CYP4V2: variants seen among roughly 807,000 people sequenced by gnomAD.
CYP4V2 encodes cytochrome P450 family 4 subfamily V member 2.
Under a neutral mutation model 60.8 loss-of-function variants are expected in CYP4V2, and 55 were observed. That is an observed-to-expected ratio of 0.90 (90% CI 0.73 to 1.13). The LOEUF (loss-of-function observed/expected upper bound fraction) is 1.13. CYP4V2 is among the 50% of genes most tolerant of loss of function. The probability of loss-of-function intolerance (pLI) is 0.00; values close to 1 mark genes in which losing one functional copy is unlikely to be tolerated. For missense variants in CYP4V2, 675 were observed against 662.9 expected, an observed-to-expected ratio of 1.02 and a Z score of -0.20; for synonymous variants, 239 against 236.8, an observed-to-expected ratio of 1.01 and a Z score of -0.08.
chr4:186,192,217 C>A, intron 1 of CYP4V2, 180 bp downstream of exon 1: 1 of 789,302 alleles, frequency 1.3e-6, no homozygotes, highest in South Asian at 1.5e-5. Context: ...ACTGCTAGTG[C>A]CCCATCCCAA....
chr4:186,208,764 T>A, intron 8 of CYP4V2, 101 bp from the exon 9 acceptor site: 2 of 1,517,336 alleles, frequency 1.3e-6, no homozygotes, highest in Middle Eastern at 3.5e-4. Context: ...ATTTGATGGG[T>A]ATTTAGCATG....
chr4:186,201,708 C>CT, intron 7 of CYP4V2: 1 of 258,774 alleles, frequency 3.9e-6, no homozygotes. Flanking sequence ...CACCTGCTTT[C>CT]TGAGGTTCCA....
At position 186,211,870 on chromosome 4, in the gene CYP4V2, T is replaced by G. The variant is rs1281409394; in HGVS notation, c.*1229T>G. 3 of 152,188 alleles carry G rather than the reference T, an allele frequency of 2.0e-5. No individual in the cohort carries two copies. Among genetic ancestry groups the G allele is most frequent in the Non-Finnish European group, 4.4e-5 (3 of 68,030 alleles). 9.4% of individuals were successfully genotyped at this position (152,188 alleles called of 1,614,324 possible). ...GATTAGTAGGTTCTGTTACAGTTTT[T>G]CTTTTGATCGTGCACTTATAGTCTT... On this transcript the variant is annotated 3_prime_UTR_variant, in exon 11 of 11. Transcript: ENST00000378802.
chr4:186,196,864 G>A (rs1014276097), intron 3 of CYP4V2, 76 bp from the exon 4 acceptor site: 14 of 1,467,320 alleles, frequency 9.5e-6, no homozygotes, highest in Middle Eastern at 4.9e-4. Context: ...TGCTTTAATC[G>A]TTTTGGATGT....
In CYP4V2 at chr4:186,208,902, G is replaced by T; in HGVS notation, c.1128G>T (p.Lys376Asn). Reference sequence around the variant, plus strand: ...GTCCCGCTACAGTAGAAGACCTGAAGAAACTTCGGTATCTGGAATGTGTTA... The same window carrying T: ...GTCCCGCTACAGTAGAAGACCTGAATAAACTTCGGTATCTGGAATGTGTTA... The part of the protein sequence containing the change: ...SDRPATVEDL[K>N]KLRYLECVIK... Residue 376 changes from lysine (K) to asparagine (N), a missense_variant, in exon 9 of 11, where the codon AAG becomes AAT. Lys to Asn is a moderately conservative substitution (Grantham distance 94). Transcript: ENST00000378802. The T allele has an allele frequency of 6.2e-7, 1 of 1,614,204 alleles. No homozygotes were observed. Among genetic ancestry groups the T allele is most frequent in the Non-Finnish European group, 8.5e-7 (1 of 1,180,034 alleles).
At chr4:186,206,340 G>A (rs1377286847) in intron 8 of CYP4V2, among the ~76,000 whole-genome samples, 1 of 152,136 alleles carries the variant, frequency 6.6e-6, no homozygotes, top group African/African-American at 2.4e-5. Flanking sequence ...AATCAAATCT[G>A]CCAAGAGTTC....
intron 1 of CYP4V2, among the ~76,000 whole-genome samples, chr4:186,194,031 A>G (rs1294732121): frequency 1.3e-5 from 2 of 152,194 alleles, no homozygotes; most frequent in Non-Finnish European, 2.9e-5. Flanking sequence ...GTATATTTGC[A>G]TGACGCAGGA....
intron 6 of CYP4V2, 130 bp downstream of exon 6, chr4:186,199,213 A>G: frequency 2.0e-6 from 2 of 996,590 alleles, no homozygotes; most frequent in Non-Finnish European, 3.0e-6. Flanking sequence ...CCCACCGTTC[A>G]TTTCCAGAAC....
intron 5 of CYP4V2, among the ~76,000 whole-genome samples, chr4:186,197,969 A>G (rs1417319677): frequency 6.6e-6 from 1 of 152,232 alleles, no homozygotes; most frequent in African/African-American, 2.4e-5. Flanking sequence ...GAATGTTAGC[A>G]GTGTTTCTCA....
intron 1 of CYP4V2, 140 bp from the exon 2 acceptor site, chr4:186,194,360 A>G (rs1168767334): frequency 1.3e-5 from 10 of 741,586 alleles, no homozygotes; most frequent in Non-Finnish European, 2.3e-5. Context: ...CAGTTCACAC[A>G]TGCTCTCTAC....
In CYP4V2 at chr4:186,211,691, A is replaced by T. The variant is rs75526967; in HGVS notation, c.*1050A>T. On this transcript the variant is annotated 3_prime_UTR_variant, in exon 11 of 11. Transcript: ENST00000378802. ...CACACACACACACACACACACACACACACACATACACACATATAATTTGAA... is the reference window on the plus strand; with the variant it reads ...CACACACACACACACACACACACACTCACACATACACACATATAATTTGAA... The T allele has an allele frequency of 1.8e-5, 2 of 108,624 alleles. 1 individual carries two copies. The highest frequency in any genetic ancestry group is 6.5e-5 in the African/African-American group (2 of 30,730). The allele number at this position is 108,624 out of a possible 1,614,324, so 6.7% of individuals were successfully genotyped here. A position where few individuals can be genotyped will look rare whatever the true frequency, so the allele number is the denominator to read the frequency against.
Position 186,191,769 on chromosome 4 carries a change from G to C in CYP4V2, c.-55G>C. On this transcript the variant is annotated 5_prime_UTR_variant, in exon 1 of 11. Coordinates refer to ENST00000378802, the MANE Select transcript of CYP4V2 (RefSeq NM_207352.4). ...TGCGGCCGGCACCGCCTCGCACCAC[G>C]CCCCCGCGGGCCCGCACTTTCCCGG... is the stretch of plus-strand genomic sequence containing the variant. The C allele has an allele frequency of 1.4e-5, 20 of 1,394,420 alleles. No homozygotes were observed. Among genetic ancestry groups the C allele is most frequent in the Non-Finnish European group, 1.9e-5 (20 of 1,078,566 alleles). 86.4% of individuals were successfully genotyped at this position (1,394,420 alleles called of 1,614,324 possible).
chr4:186,205,326 T>A (rs1307381499), intron 8 of CYP4V2, 24 bp downstream of exon 8: 1 of 1,595,886 alleles, frequency 6.3e-7, no homozygotes, highest in South Asian at 1.1e-5. Flanking sequence ...CTTCACTGGT[T>A]ATATTGTGGT....
rs1736093076 is a variant in CYP4V2 at position 186,194,628 on chromosome 4, T to C, written c.327+16T>C. 6.3e-7 allele frequency: 1 copy of C among 1,581,336 alleles called. No homozygotes were observed. The highest frequency in any genetic ancestry group is 8.7e-7 in the Non-Finnish European group (1 of 1,150,486). ...AAATGTGGAGGTGGGTACATGTGAA[T>C]ATGATCAGTATTGTACTGTGTATCT... is the stretch of plus-strand genomic sequence containing the variant. On this transcript the variant is annotated intron_variant, in intron 2 of 10. Transcript: ENST00000378802.
At position 186,198,971 on chromosome 4, in the gene CYP4V2, T is replaced by C; in HGVS notation, c.689T>C (p.Ile230Thr). The change falls in exon 6 of 11, where the codon ATA (isoleucine) becomes ACA (threonine). Residue 230 changes from isoleucine (I) to threonine (T), a missense_variant. Transcript: ENST00000378802. Reference protein sequence around the residue: ...VRAVYRMSEMIFRRIKMPWLW... With the variant: ...VRAVYRMSEMTFRRIKMPWLW... ...CCCATTTATAGAATGAGTGAGATGA[T>C]ATTTCGAAGAATAAAGATGCCCTGG... The C allele has an allele frequency of 6.2e-7, 1 of 1,614,096 alleles. No homozygotes were observed. The highest frequency in any genetic ancestry group is 8.5e-7 in the Non-Finnish European group (1 of 1,179,982).
Position 186,201,352 on chromosome 4 carries a change from A to T in CYP4V2, c.987+10A>T. 6.2e-7 allele frequency: 1 copy of T among 1,613,930 alleles called. No homozygotes were observed. The highest frequency in any genetic ancestry group is 8.5e-7 in the Non-Finnish European group (1 of 1,179,858). On this transcript the variant is annotated intron_variant, in intron 7 of 10. Coordinates refer to ENST00000378802, the MANE Select transcript of CYP4V2 (RefSeq NM_207352.4). ...CACCTTCATGTTTGAGGTATTGTAT[A>T]TTGTTAGGTTCAGATATCATTAAAC...
At chr4:186,203,932 A>G (rs1451289220) in intron 7 of CYP4V2, 1 of 152,246 alleles carries the variant, frequency 6.6e-6, no homozygotes, top group Non-Finnish European at 1.5e-5. Flanking sequence ...GCCACATAGG[A>G]AAAATGGAAA....
chr4:186,196,491 CTG>C (rs974619699), intron 3 of CYP4V2: 19 of 308,172 alleles, frequency 6.2e-5, no homozygotes, highest in African/African-American at 3.9e-4. Context: ...GCTCCATCCT[CTG>C]AGAGAGGGCC....
chr4:186,199,749 T>G (rs1171992666), intron 6 of CYP4V2, among the ~76,000 whole-genome samples: 1 of 151,680 alleles, frequency 6.6e-6, no homozygotes, highest in Admixed American at 6.6e-5. Flanking sequence ...AAGATAGTGA[T>G]GTTGTTTTGA....
Sources: allele counts gnomAD v4.1 joint callset (sites outside exome capture counted in the v4.1 genomes callset), GRCh38; gene constraint gnomAD v4.1.1; transcripts MANE v1.5; gene names NCBI Gene and HGNC (gene_info 2026-07-23, HGNC 2026-07-21).